The following LEKR1 variants were observed in gnomAD, a reference collection of about 807,000 sequenced individuals.
The protein encoded by LEKR1 is leucine, glutamate and lysine rich 1.
Under a neutral mutation model 72.4 loss-of-function variants are expected in LEKR1, and 59 were observed. That is an observed-to-expected ratio of 0.82 (90% CI 0.66 to 1.01). The LOEUF (loss-of-function observed/expected upper bound fraction) is 1.01. Among genes scored for constraint, LEKR1 ranks in the 50% least tolerant of loss-of-function variants. The pLI, the probability that LEKR1 is intolerant of heterozygous loss-of-function variation, is 0.00. For missense variants in LEKR1, 728 were observed against 759.2 expected, an observed-to-expected ratio of 0.96 and a Z score of 0.48; for synonymous variants, 257 against 263.2, an observed-to-expected ratio of 0.98 and a Z score of 0.23.
intron 2 of LEKR1, among the ~76,000 whole-genome samples, chr3:156,829,657 A>G (rs564795512): frequency 1.4e-4 from 22 of 152,306 alleles, no homozygotes; most frequent in Admixed American, 1.4e-3. Flanking sequence ...AGAAACGTCC[A>G]TGTGTGTTTT....
chr3:156,848,431 C>T (rs1478187838), intron 2 of LEKR1, among the ~76,000 whole-genome samples: 11 of 151,844 alleles, frequency 7.2e-5, no homozygotes. Flanking sequence ...AAAACATAAC[C>T]CTTGGGCCAA....
At chr3:156,941,998 T>C (rs1052874691) in intron 5 of LEKR1, among the ~76,000 whole-genome samples, 3 of 151,990 alleles carry the variant, frequency 2.0e-5, no homozygotes, top group Non-Finnish European at 4.4e-5. Context: ...TTAAAATCAT[T>C]AAGATATTAT....
chr3:156,912,365 C>T (rs1346094211), intron 3 of LEKR1, among the ~76,000 whole-genome samples: 1 of 152,136 alleles, frequency 6.6e-6, no homozygotes, highest in Non-Finnish European at 1.5e-5. Context: ...GTGTAGCTGC[C>T]TCTGCTGCAC....
At chr3:156,911,839 T>C (rs1031448425) in intron 3 of LEKR1, among the ~76,000 whole-genome samples, 6 of 152,142 alleles carry the variant, frequency 3.9e-5, no homozygotes, top group African/African-American at 1.4e-4. Context: ...TTCTGGGTTC[T>C]CTATTCTGTT....
At chr3:156,973,951 A>G (rs1180428580) in intron 6 of LEKR1, among the ~76,000 whole-genome samples, 3 of 152,174 alleles carry the variant, frequency 2.0e-5, no homozygotes, top group Non-Finnish European at 4.4e-5. Flanking sequence ...TAGTGCCTCC[A>G]TTTTGGGAAC....
intron 3 of LEKR1, among the ~76,000 whole-genome samples, chr3:156,909,996 T>C (rs1028228403): frequency 9.2e-5 from 14 of 152,162 alleles, no homozygotes; most frequent in South Asian, 2.1e-4. Flanking sequence ...TTTAAAGATG[T>C]GAATCCTAAA....
chr3:156,849,737 C>T (rs1266658415), intron 2 of LEKR1, among the ~76,000 whole-genome samples: 10 of 152,126 alleles, frequency 6.6e-5, no homozygotes, highest in African/African-American at 2.2e-4. Flanking sequence ...CCCTTCCTTG[C>T]ACCTTATACA....
chr3:156,936,395 G>A (rs1276577574), intron 5 of LEKR1, among the ~76,000 whole-genome samples: 1 of 148,572 alleles, frequency 6.7e-6, no homozygotes, highest in African/African-American at 2.5e-5. Context: ...ACAAAAAACT[G>A]GGGCTTCAGT....
At chr3:156,909,669 A>AAAAAAAAG (rs1553800892) in intron 3 of LEKR1, among the ~76,000 whole-genome samples, 5 of 145,932 alleles carry the variant, frequency 3.4e-5, no homozygotes, top group African/African-American at 1.3e-4. Context: ...AAAAAAAAAA[A>AAAAAAAAG]AAAGAAATCT....
At chr3:156,854,553 T>G (rs1163039556) in intron 3 of LEKR1, among the ~76,000 whole-genome samples, 2 of 151,806 alleles carry the variant, frequency 1.3e-5, no homozygotes, top group Non-Finnish European at 2.9e-5. Flanking sequence ...TCCTTTTTTT[T>G]TTTTGAGACA....
At chr3:156,881,683 G>T (rs1279018878) in intron 3 of LEKR1, among the ~76,000 whole-genome samples, 8 of 146,004 alleles carry the variant, frequency 5.5e-5, no homozygotes, top group Non-Finnish European at 1.2e-4. Flanking sequence ...AAAAGAGCCC[G>T]CATCGCCAAG....
intron 3 of LEKR1, among the ~76,000 whole-genome samples, chr3:156,880,325 C>T (rs1006817243): frequency 5.9e-5 from 9 of 152,122 alleles, no homozygotes; most frequent in African/African-American, 9.7e-5. Context: ...GATATCACCA[C>T]CAATCCCACA....
chr3:156,942,120 C>T (rs1305907462), intron 5 of LEKR1, among the ~76,000 whole-genome samples: 1 of 151,740 alleles, frequency 6.6e-6, no homozygotes, highest in Non-Finnish European at 1.5e-5. Context: ...TCTAGTTAAC[C>T]CCTTAGAAAT....
At chr3:156,986,806 A>T (rs1293887630) in intron 7 of LEKR1, among the ~76,000 whole-genome samples, 1 of 152,194 alleles carries the variant, frequency 6.6e-6, no homozygotes, top group Non-Finnish European at 1.5e-5. Flanking sequence ...TACTATCATC[A>T]TTGTGTTTGT....
chr3:156,969,967 C>T (rs1452834276), intron 6 of LEKR1, among the ~76,000 whole-genome samples: 1 of 152,152 alleles, frequency 6.6e-6, no homozygotes, highest in African/African-American at 2.4e-5. Context: ...GCTGGTTCAA[C>T]ATATGCAAAT....
intron 12 of LEKR1, among the ~76,000 whole-genome samples, chr3:157,040,832 C>A (rs1204943267): frequency 6.6e-6 from 1 of 152,140 alleles, no homozygotes; most frequent in Non-Finnish European, 1.5e-5. Flanking sequence ...CATGTTCCCC[C>A]CAAAATTGTG....
chr3:156,883,908 C>T (rs1407681147), intron 3 of LEKR1, among the ~76,000 whole-genome samples: 2 of 152,074 alleles, frequency 1.3e-5, no homozygotes, highest in Non-Finnish European at 2.9e-5. Context: ...TGTTGCCATC[C>T]ATCTCATTTC....
At chr3:156,890,860 C>CTT (rs111265584) in intron 3 of LEKR1, among the ~76,000 whole-genome samples, 24 of 135,714 alleles carry the variant, frequency 1.8e-4, no homozygotes, top group Non-Finnish European at 2.2e-4. Flanking sequence ...AAAAGTTATC[C>CTT]TTTTTTTTTT....
intron 2 of LEKR1, among the ~76,000 whole-genome samples, chr3:156,850,388 A>C (rs1715205853): frequency 6.6e-6 from 1 of 152,160 alleles, no homozygotes; most frequent in African/African-American, 2.4e-5. Context: ...GAAAAGAGAA[A>C]ATAGTAGAGG....
Sources: gnomAD v4.1 joint callset for allele counts (sites outside exome capture counted in the v4.1 genomes callset) on GRCh38, gnomAD v4.1.1 for gene constraint, MANE v1.5 for transcripts, NCBI Gene and HGNC (gene_info 2026-07-23, HGNC 2026-07-21) for gene names.